MACROD2: variants seen among roughly 807,000 people sequenced by gnomAD.
MACROD2 encodes the protein mono-ADP ribosylhydrolase 2.
Under a neutral mutation model 70.4 loss-of-function variants are expected in MACROD2, and 36 were observed. That is an observed-to-expected ratio of 0.51 (90% CI 0.39 to 0.68). MACROD2 has a LOEUF of 0.68. Ranked by LOEUF, MACROD2 falls within the 30% of genes least tolerant of loss-of-function variation. MACROD2 has a pLI of 0.00. For synonymous variants in MACROD2, 172 were observed against 178.8 expected (o/e 0.96, Z 0.30); for missense variants, 496 against 538.4 (o/e 0.92, Z 0.78).
intron 3 of MACROD2, among the ~76,000 whole-genome samples, chr20:14,342,613 T>C (rs1253937928): frequency 6.6e-6 from 1 of 152,196 alleles, no homozygotes; most frequent in African/African-American, 2.4e-5. Context: ...TTCTCAACAA[T>C]TCCAAAGGGT....
At chr20:15,552,668 G>A (rs1005444312) in intron 8 of MACROD2, 4 of 152,178 alleles carry the variant, frequency 2.6e-5, no homozygotes, top group African/African-American at 9.7e-5. Context: ...GTTTTACTCA[G>A]TTCTGGTGAA....
intron 3 of MACROD2, among the ~76,000 whole-genome samples, chr20:14,213,160 T>C (rs955306904): frequency 1.6e-4 from 24 of 151,818 alleles, no homozygotes; most frequent in African/African-American, 5.8e-4. Flanking sequence ...TGTTACCAAA[T>C]GTGGGTCAAC....
intron 11 of MACROD2, 126 bp downstream of exon 11, chr20:15,933,464 G>C: frequency 6.0e-6 from 5 of 836,718 alleles, no homozygotes; most frequent in Non-Finnish European, 5.5e-6. Context: ...TGTTCATTCA[G>C]GGTCTCCCTC....
chr20:14,714,009 GGGTTGAAGGACATA>G (rs2123668520), intron 5 of MACROD2, among the ~76,000 whole-genome samples: 1 of 152,202 alleles, frequency 6.6e-6, no homozygotes, highest in East Asian at 1.9e-4. Context: ...GCAGGAGGCT[GGGTTGAAGGACATA>G]AACAACAGGA....
chr20:14,143,223 T>C (rs951434387), intron 3 of MACROD2, among the ~76,000 whole-genome samples: 5 of 152,306 alleles, frequency 3.3e-5, no homozygotes, highest in Middle Eastern at 6.8e-3. Flanking sequence ...CTTGAAAGGG[T>C]ACTTGTTTCT....
intron 5 of MACROD2, among the ~76,000 whole-genome samples, chr20:14,966,404 C>T (rs1042787609): frequency 6.6e-6 from 1 of 152,036 alleles, no homozygotes; most frequent in African/African-American, 2.4e-5. Context: ...AGTGAGACTC[C>T]ATTTCTACGA....
chr20:15,510,866 G>A (rs1277660531), intron 8 of MACROD2, among the ~76,000 whole-genome samples: 1 of 152,206 alleles, frequency 6.6e-6, no homozygotes, highest in African/African-American at 2.4e-5. Flanking sequence ...TTCTATTTAT[G>A]AACCCCTTCG....
At chr20:15,647,742 T>A (rs1213163566) in intron 8 of MACROD2, among the ~76,000 whole-genome samples, 1 of 136,678 alleles carries the variant, frequency 7.3e-6, no homozygotes, top group African/African-American at 2.6e-5. Context: ...TTTTTTGAGA[T>A]GGAGTCTTGC....
chr20:14,862,621 AT>A, intron 5 of MACROD2, among the ~76,000 whole-genome samples: 2 of 12,272 alleles, frequency 1.6e-4, no homozygotes, highest in African/African-American at 5.0e-4. Context: ...ATATAAATAT[AT>A]ATATATAAAT....
intron 5 of MACROD2, among the ~76,000 whole-genome samples, chr20:14,700,524 TGTGTGTGTG>T (rs1568746099): frequency 0.011 from 1,342 of 125,562 alleles, 21 homozygotes; most frequent in African/African-American, 0.037. Context: ...CATATGGTGG[TGTGTGTGTG>T]TGTGTGTGTG....
chr20:15,810,538 T>C (rs2063809821), intron 8 of MACROD2, among the ~76,000 whole-genome samples: 2 of 152,108 alleles, frequency 1.3e-5, no homozygotes, highest in Admixed American at 6.6e-5. Context: ...TTCAATGCCA[T>C]CCCCATCAAG....
chr20:15,643,561 C>A (rs1377427338), intron 8 of MACROD2, among the ~76,000 whole-genome samples: 2 of 148,592 alleles, frequency 1.3e-5, no homozygotes, highest in African/African-American at 2.5e-5. Context: ...TGTTTGTGGT[C>A]TGAGCCTTAT....
rs141525802 is a variant in MACROD2 at position 14,110,021 on chromosome 20, A to G, written c.271+24293A>G. ...AATTCAACAGTACATTAAAAAAACCATTTATCATGACCAAGTGGGATTTAT... is the reference window on the plus strand; with the variant it reads ...AATTCAACAGTACATTAAAAAAACCGTTTATCATGACCAAGTGGGATTTAT... On this transcript the variant is annotated intron_variant, in intron 3 of 17. Coordinates refer to ENST00000684519, the MANE Select transcript of MACROD2 (RefSeq NM_001351661.2). Among the ~76,000 whole-genome samples, 635 of 152,070 alleles carry G rather than the reference A, an allele frequency of 4.2e-3. 14 individuals carry two copies. The highest frequency in any genetic ancestry group is 0.039 in the East Asian group (202 of 5,182).
chr20:14,918,735 A>T (rs1730134874), intron 5 of MACROD2, among the ~76,000 whole-genome samples: 1 of 151,550 alleles, frequency 6.6e-6, no homozygotes, highest in Non-Finnish European at 1.5e-5. Flanking sequence ...AAGTCCTAAC[A>T]TTTATTTTCA....
intron 8 of MACROD2, among the ~76,000 whole-genome samples, chr20:15,510,551 T>C (rs2047485495): frequency 6.6e-6 from 1 of 152,224 alleles, no homozygotes; most frequent in African/African-American, 2.4e-5. Flanking sequence ...CTGTTTCCGA[T>C]AGAAGCTGTG....
intron 3 of MACROD2, among the ~76,000 whole-genome samples, chr20:14,278,976 G>C (rs1477561213): frequency 6.6e-6 from 1 of 152,172 alleles, no homozygotes. Flanking sequence ...GTCATATAAA[G>C]TTTGTGAGGA....
At chr20:15,205,381 G>A (rs969177929) in intron 5 of MACROD2, among the ~76,000 whole-genome samples, 3 of 147,848 alleles carry the variant, frequency 2.0e-5, no homozygotes, top group Admixed American at 1.3e-4. Context: ...CACTTCAGGG[G>A]CTTCTATTTT....
intron 5 of MACROD2, among the ~76,000 whole-genome samples, chr20:15,005,696 A>G (rs1428318112): frequency 2.0e-5 from 3 of 152,016 alleles, no homozygotes; most frequent in African/African-American, 7.2e-5. Flanking sequence ...GTAGTTCTCA[A>G]ATTGCGAATT....
At chr20:14,761,651 C>A (rs577795530) in intron 5 of MACROD2, among the ~76,000 whole-genome samples, 21 of 152,240 alleles carry the variant, frequency 1.4e-4, no homozygotes, top group African/African-American at 5.1e-4. Context: ...TGTTCCAGCT[C>A]TCACTGGTTC....
Sources: allele counts gnomAD v4.1 joint callset (sites outside exome capture counted in the v4.1 genomes callset), GRCh38; gene constraint gnomAD v4.1.1; transcripts MANE v1.5; gene names NCBI Gene and HGNC (gene_info 2026-07-23, HGNC 2026-07-21).